Variants in AP2A2 observed in about 807,000 individuals in gnomAD.
The protein encoded by AP2A2 is adaptor related protein complex 2 subunit alpha 2.
A neutral mutation model predicts 104.2 loss-of-function variants in AP2A2; 32 were observed. The observed-to-expected ratio is 0.31, with a 90% CI of 0.23 to 0.41. The LOEUF (loss-of-function observed/expected upper bound fraction) is 0.41, where lower values mean the gene tolerates loss of function less well. Ranked by LOEUF, AP2A2 falls within the 10% of genes least tolerant of loss-of-function variation. The pLI is 1.00. For synonymous variants in AP2A2, 539 were observed against 533.3 expected (o/e 1.01, Z -0.15); for missense variants, 912 against 1,261.0 (o/e 0.72, Z 4.19).
intron 14 of AP2A2, among the ~76,000 whole-genome samples, chr11:997,170 A>G (rs1423827333): frequency 6.6e-6 from 1 of 152,134 alleles, no homozygotes; most frequent in Non-Finnish European, 1.5e-5. Context: ...ACATTGGCCA[A>G]AATGTCTTTT....
Position 974,116 on chromosome 11 carries a change from G to A in AP2A2, c.473+1861G>A, listed in dbSNP as rs968484829. Among the ~76,000 whole-genome samples the A allele has an allele frequency of 1.3e-5, 2 of 152,140 alleles. 1 individual carries two copies. Among genetic ancestry groups the A allele is most frequent in the African/African-American group, 4.8e-5 (2 of 41,394 alleles). ...GCGGCTGGAAGGGAGCAGGTGGCCA[G>A]TGCACAGCATCTGCAGCCAGAAGGG... On this transcript the variant is annotated intron_variant, in intron 4 of 21. Coordinates refer to ENST00000448903, the MANE Select transcript of AP2A2 (RefSeq NM_012305.4).
intron 6 of AP2A2, among the ~76,000 whole-genome samples, chr11:984,180 A>C (rs1855366692): frequency 1.3e-5 from 2 of 152,194 alleles, no homozygotes. Context: ...CATTGGACAC[A>C]GAGATGGGAT....
intron 2 of AP2A2, among the ~76,000 whole-genome samples, chr11:965,547 G>T (rs996780701): frequency 6.6e-6 from 1 of 152,212 alleles, no homozygotes; most frequent in Non-Finnish European, 1.5e-5. Flanking sequence ...CCCAACTTTG[G>T]CTTTAAGGGA....
intron 14 of AP2A2, among the ~76,000 whole-genome samples, chr11:998,295 C>T (rs760816346): frequency 6.6e-6 from 1 of 151,960 alleles, no homozygotes; most frequent in Non-Finnish European, 1.5e-5. Flanking sequence ...CCGTTTCTGA[C>T]TGCCCCCCAA....
intron 2 of AP2A2, among the ~76,000 whole-genome samples, chr11:969,355 G>T (rs568393514): frequency 1.6e-4 from 23 of 147,344 alleles, no homozygotes; most frequent in African/African-American, 5.3e-4. Context: ...TCAGCCTCCC[G>T]AGTAGCTGGG....
At chr11:967,348 CGTTTT>C (rs1854652540) in intron 2 of AP2A2, among the ~76,000 whole-genome samples, 1 of 151,910 alleles carries the variant, frequency 6.6e-6, no homozygotes, top group African/African-American at 2.4e-5. Context: ...TGTGCTGTTT[CGTTTT>C]ATTTTTTTAT....
intron 1 of AP2A2, among the ~76,000 whole-genome samples, chr11:933,095 C>G (rs962998482): frequency 6.6e-6 from 1 of 152,198 alleles, no homozygotes; most frequent in African/African-American, 2.4e-5. Flanking sequence ...CATGGAAAAA[C>G]ATGTCTCTAC....
intron 16 of AP2A2, 43 bp downstream of exon 16, chr11:1,003,847 T>C (rs1366744025): frequency 3.0e-6 from 4 of 1,345,362 alleles, no homozygotes; most frequent in Admixed American, 2.2e-5. Context: ...CTTAGAAATA[T>C]GGGAAATTAA....
At position 961,349 on chromosome 11, in the gene AP2A2, A is replaced by C. The variant is rs61867602; in HGVS notation, c.136+1844A>C. Among the ~76,000 whole-genome samples, 5 of 75,660 alleles carry C rather than the reference A, an allele frequency of 6.6e-5. No homozygotes were observed. The East Asian group carries it at 1.3e-3, about 20-fold the overall frequency. 49.6% of individuals were successfully genotyped at this position (75,660 alleles called of 152,430 possible). ...GAGATGTGGGTCTGACAGAGTCGCCACCACCAGTGAAAAGTAAAGGGCAGA... is the reference window on the plus strand; with the variant it reads ...GAGATGTGGGTCTGACAGAGTCGCCCCCACCAGTGAAAAGTAAAGGGCAGA... On this transcript the variant is annotated intron_variant, in intron 2 of 21. Coordinates refer to ENST00000448903, the MANE Select transcript of AP2A2 (RefSeq NM_012305.4).
At chr11:940,907 G>A (rs1269502827) in intron 1 of AP2A2, 6 of 456,022 alleles carry the variant, frequency 1.3e-5, no homozygotes, top group Non-Finnish European at 2.6e-5. Context: ...GAGCAGGTGG[G>A]TGTTGTGAGC....
intron 4 of AP2A2, among the ~76,000 whole-genome samples, chr11:973,819 A>G (rs915242556): frequency 4.0e-5 from 6 of 151,780 alleles, no homozygotes; most frequent in Non-Finnish European, 7.4e-5. Flanking sequence ...ACCTGTTTCC[A>G]CCCTTGGGGT....
At chr11:1,002,725 A>G (rs570239306) in intron 15 of AP2A2, among the ~76,000 whole-genome samples, 2 of 152,400 alleles carry the variant, frequency 1.3e-5, no homozygotes, top group African/African-American at 4.8e-5. Flanking sequence ...GAAGGTTGGC[A>G]GCACTCAGAC....
At chr11:1,007,177 A>G (rs1856238727) in intron 17 of AP2A2, 1 of 154,860 alleles carries the variant, frequency 6.5e-6, no homozygotes, top group Admixed American at 6.5e-5. Context: ...TGAAGACCCC[A>G]GCTTGACCAG....
At chr11:940,873 C>T in intron 1 of AP2A2, 1 of 456,218 alleles carries the variant, frequency 2.2e-6, no homozygotes. Flanking sequence ...CCAGAGGACT[C>T]TCGACTCTCT....
At chr11:966,403 T>C (rs957141043) in intron 2 of AP2A2, among the ~76,000 whole-genome samples, 4 of 151,956 alleles carry the variant, frequency 2.6e-5, no homozygotes, top group Non-Finnish European at 5.9e-5. Context: ...GAGGCTGAGG[T>C]GGGAGGATCA....
In AP2A2 at chr11:940,782, C is replaced by T; in HGVS notation, c.67+14694C>T. The T allele has an allele frequency of 6.6e-6, 3 of 456,096 alleles. 1 individual carries two copies. The highest frequency in any genetic ancestry group is 4.6e-5 in the South Asian group (3 of 64,544). 28.3% of individuals were successfully genotyped at this position (456,096 alleles called of 1,614,324 possible). On this transcript the variant is annotated intron_variant, in intron 1 of 21. Coordinates refer to ENST00000448903, the MANE Select transcript of AP2A2 (RefSeq NM_012305.4). Reference sequence around the variant, plus strand: ...GCTGTCCACCCATGTGTACCAGTGCCTGCCAACCTGAAGGGCTTTGGCAGG... The same window carrying T: ...GCTGTCCACCCATGTGTACCAGTGCTTGCCAACCTGAAGGGCTTTGGCAGG...
intron 1 of AP2A2, 28 bp from the exon 2 acceptor site, chr11:959,409 A>G (rs1854352140): frequency 7.0e-7 from 1 of 1,429,484 alleles, no homozygotes; most frequent in African/African-American, 1.4e-5. Flanking sequence ...CAATTAAAAT[A>G]AAAATGGCTT....
rs571351479 is a variant in AP2A2, at chr11:1,004,362, A to G, written c.2206+558A>G. Reference sequence around the variant, plus strand: ...GTGGTGTGTGCCTGTGGTCCCAGCTACTTGGGAGGCTGAGGCAGGAGAATC... The same window carrying G: ...GTGGTGTGTGCCTGTGGTCCCAGCTGCTTGGGAGGCTGAGGCAGGAGAATC... On this transcript the variant is annotated intron_variant, in intron 16 of 21. Coordinates refer to ENST00000448903, the MANE Select transcript of AP2A2 (RefSeq NM_012305.4). 2.6e-5 allele frequency among the ~76,000 whole-genome samples: 4 copies of G among 152,296 alleles called. No homozygotes were observed. The South Asian group carries it at 8.3e-4, about 32-fold the overall frequency.
At chr11:957,757 G>A (rs1408704703) in intron 1 of AP2A2, among the ~76,000 whole-genome samples, 1 of 152,250 alleles carries the variant, frequency 6.6e-6, no homozygotes, top group Non-Finnish European at 1.5e-5. Context: ...CCTGCTCCCT[G>A]TATCGTAATC....
Sources: gnomAD v4.1 joint callset for allele counts (sites outside exome capture counted in the v4.1 genomes callset) on GRCh38, gnomAD v4.1.1 for gene constraint, MANE v1.5 for transcripts, NCBI Gene and HGNC (gene_info 2026-07-23, HGNC 2026-07-21) for gene names.